Variants in GPC6 observed in about 807,000 individuals in gnomAD.
GPC6 encodes glypican 6.
Under a neutral mutation model 55.2 loss-of-function variants are expected in GPC6, and 14 were observed. The ratio of observed to expected loss-of-function variants is 0.25; its 90% CI spans 0.17 to 0.40. The LOEUF (loss-of-function observed/expected upper bound fraction) is 0.40, where lower values mean the gene tolerates loss of function less well. Among genes scored for constraint, GPC6 ranks in the 10% least tolerant of loss-of-function variants. The pLI is 1.00. For synonymous variants in GPC6, 278 were observed against 259.6 expected (o/e 1.07, Z -0.68); for missense variants, 641 against 708.5 (o/e 0.90, Z 1.08).
At chr13:93,379,562 T>A (rs940805046) in intron 1 of GPC6, among the ~76,000 whole-genome samples, 3 of 152,218 alleles carry the variant, frequency 2.0e-5, no homozygotes. Flanking sequence ...TCATTTTTGA[T>A]AATTTCATAT....
chr13:94,040,381 A>G (rs1883488885), intron 4 of GPC6, among the ~76,000 whole-genome samples: 1 of 151,980 alleles, frequency 6.6e-6, no homozygotes, highest in East Asian at 1.9e-4. Context: ...CAACACAAAT[A>G]TACATGATGC....
At chr13:94,316,716 CAAA>C (rs56304226) in intron 6 of GPC6, among the ~76,000 whole-genome samples, 91 of 105,058 alleles carry the variant, frequency 8.7e-4, no homozygotes, top group Admixed American at 8.6e-4. Context: ...GACTCCGTCT[CAAA>C]AAAAAAAAAA....
At chr13:94,345,940 T>G (rs1172242532) in intron 6 of GPC6, among the ~76,000 whole-genome samples, 1 of 152,118 alleles carries the variant, frequency 6.6e-6, no homozygotes, top group Non-Finnish European at 1.5e-5. Context: ...TCAGGCCTTC[T>G]CTAAGCTTCT....
intron 1 of GPC6, among the ~76,000 whole-genome samples, chr13:93,349,261 T>C (rs1420665519): frequency 5.4e-5 from 3 of 55,480 alleles, no homozygotes; most frequent in Non-Finnish European, 9.2e-5. Context: ...ACATGTTAGC[T>C]TTTTTTTCCC....
intron 3 of GPC6, among the ~76,000 whole-genome samples, chr13:93,966,466 T>C (rs1594627321): frequency 2.0e-5 from 3 of 152,312 alleles, no homozygotes; most frequent in Admixed American, 6.5e-5. Context: ...AACTCACTTA[T>C]GCTTTTGATC....
intron 3 of GPC6, among the ~76,000 whole-genome samples, chr13:93,978,978 T>A (rs1303677421): frequency 2.6e-5 from 4 of 152,160 alleles, no homozygotes; most frequent in Admixed American, 6.6e-5. Context: ...ACAAACTTCC[T>A]TTGTGAACCA....
At chr13:93,630,967 C>G (rs1295783909) in intron 2 of GPC6, among the ~76,000 whole-genome samples, 1 of 152,076 alleles carries the variant, frequency 6.6e-6, no homozygotes, top group East Asian at 1.9e-4. Flanking sequence ...CTAATCCAAT[C>G]TGACTAGTGT....
chr13:94,371,078 A>G (rs930314750), intron 6 of GPC6, among the ~76,000 whole-genome samples: 1 of 152,218 alleles, frequency 6.6e-6, no homozygotes, highest in African/African-American at 2.4e-5. Context: ...TGCCTTAGCC[A>G]GTACATATGC....
At chr13:93,470,793 C>CT (rs1057071483) in intron 1 of GPC6, among the ~76,000 whole-genome samples, 4 of 150,874 alleles carry the variant, frequency 2.7e-5, no homozygotes, top group Admixed American at 2.6e-4. Context: ...TCAAAATTTC[C>CT]TTTTTTTTCA....
intron 1 of GPC6, among the ~76,000 whole-genome samples, chr13:93,402,021 A>G (rs1160840215): frequency 6.6e-6 from 1 of 152,178 alleles, no homozygotes; most frequent in Non-Finnish European, 1.5e-5. Flanking sequence ...TTAATTGGAC[A>G]AGAGAGTGAA....
intron 4 of GPC6, among the ~76,000 whole-genome samples, chr13:94,178,447 CAG>C (rs1192565480): frequency 6.6e-6 from 1 of 152,110 alleles, no homozygotes; most frequent in African/African-American, 2.4e-5. Context: ...TAATATTAAA[CAG>C]TGATTTCAAC....
intron 6 of GPC6, among the ~76,000 whole-genome samples, chr13:94,375,616 G>A (rs1258604027): frequency 1.5e-4 from 23 of 149,922 alleles, no homozygotes; most frequent in African/African-American, 4.7e-4. Flanking sequence ...TTCTACCAGA[G>A]GTACAAGGAG....
chr13:93,220,044 G>A, the GPC6 span, among the ~76,000 whole-genome samples: 26 of 152,260 alleles, frequency 1.7e-4, no homozygotes, highest in South Asian at 4.1e-4. Flanking sequence ...GGGTTTTCCC[G>A]TAAAATATTC....
chr13:94,069,121 A>G (rs1011429953), intron 4 of GPC6, among the ~76,000 whole-genome samples: 4 of 152,188 alleles, frequency 2.6e-5, no homozygotes, highest in Non-Finnish European at 5.9e-5. Flanking sequence ...AGGTGTTTCC[A>G]TACATCTTCT....
intron 1 of GPC6, among the ~76,000 whole-genome samples, chr13:93,531,072 C>T (rs1047080426): frequency 4.6e-5 from 7 of 151,924 alleles, no homozygotes; most frequent in African/African-American, 1.2e-4. Context: ...AGGTCCTAAA[C>T]GTTGGGTTAA....
At chr13:94,352,825 T>C (rs1269028137) in intron 6 of GPC6, among the ~76,000 whole-genome samples, 2 of 152,248 alleles carry the variant, frequency 1.3e-5, no homozygotes, top group Admixed American at 1.3e-4. Flanking sequence ...ACCAGAATTA[T>C]GTCTTTATTC....
chr13:94,280,906 C>T (rs1892360372), intron 4 of GPC6, among the ~76,000 whole-genome samples: 1 of 152,108 alleles, frequency 6.6e-6, no homozygotes, highest in Non-Finnish European at 1.5e-5. Context: ...TTAATGAGAA[C>T]ATTGAAATGA....
chr13:93,417,843 C>CA (rs1876760543), intron 1 of GPC6, among the ~76,000 whole-genome samples: 1 of 151,188 alleles, frequency 6.6e-6, no homozygotes, highest in Non-Finnish European at 1.5e-5. Flanking sequence ...TGGTTTTGGA[C>CA]AAAAAAATAA....
chr13:93,606,984 T>C (rs1159640959), intron 2 of GPC6, among the ~76,000 whole-genome samples: 1 of 152,204 alleles, frequency 6.6e-6, no homozygotes, highest in Admixed American at 6.5e-5. Context: ...AATTTATTTT[T>C]TAAAACAGGC....
Sources: gnomAD v4.1 joint callset for allele counts (sites outside exome capture counted in the v4.1 genomes callset) on GRCh38, gnomAD v4.1.1 for gene constraint, MANE v1.5 for transcripts, NCBI Gene and HGNC (gene_info 2026-07-23, HGNC 2026-07-21) for gene names.